The following NYAP2 variants were observed in gnomAD, a reference collection of about 807,000 sequenced individuals.
The protein encoded by NYAP2 is neuronal tyrosine-phosphorylated phosphoinositide-3-kinase adapter 2.
Under a neutral mutation model 50.4 loss-of-function variants are expected in NYAP2, and 23 were observed. The ratio of observed to expected loss-of-function variants is 0.46; its 90% CI spans 0.33 to 0.65. NYAP2 has a LOEUF of 0.65. Among genes scored for constraint, NYAP2 ranks in the 30% least tolerant of loss-of-function variants. The pLI, the probability that NYAP2 is intolerant of heterozygous loss-of-function variation, is 0.02. For missense variants in NYAP2, 885 were observed against 861.0 expected, an observed-to-expected ratio of 1.03 and a Z score of -0.35; for synonymous variants, 394 against 365.2, an observed-to-expected ratio of 1.08 and a Z score of -0.90.
intron 4 of NYAP2, among the ~76,000 whole-genome samples, chr2:225,536,140 A>G (rs1422516467): frequency 6.6e-6 from 1 of 152,206 alleles, no homozygotes; most frequent in Non-Finnish European, 1.5e-5. Flanking sequence ...ATATTTCTCA[A>G]AAATAAATCT....
intron 3 of NYAP2, among the ~76,000 whole-genome samples, chr2:225,480,331 T>C (rs1055584412): frequency 6.6e-6 from 1 of 152,060 alleles, no homozygotes; most frequent in Non-Finnish European, 1.5e-5. Flanking sequence ...AAGATAGATA[T>C]GTAAATGAAA....
chr2:225,416,848 T>C (rs1002168711), intron 3 of NYAP2, among the ~76,000 whole-genome samples: 1 of 152,188 alleles, frequency 6.6e-6, no homozygotes, highest in Non-Finnish European at 1.5e-5. Context: ...CCATGTGAGC[T>C]ACTCAGTCAG....
intron 4 of NYAP2, among the ~76,000 whole-genome samples, chr2:225,518,236 G>A (rs866978398): frequency 1.3e-5 from 2 of 151,740 alleles, no homozygotes; most frequent in South Asian, 2.1e-4. Flanking sequence ...AAGACATTAT[G>A]TAAAATGAAA....
chr2:225,577,821 T>A lies in NYAP2; in HGVS notation c.524-4120T>A, dbSNP rs78562959. 6.2e-3 allele frequency among the ~76,000 whole-genome samples: 589 copies of A among 94,646 alleles called. 3 individuals carry two copies. The highest frequency in any genetic ancestry group is 0.012 in the African/African-American group (301 of 25,810). 62.1% of individuals were successfully genotyped at this position (94,646 alleles called of 152,430 possible). On this transcript the variant is annotated intron_variant, in intron 4 of 6. Transcript: ENST00000636099. The stretch of plus-strand genomic sequence containing the variant: ...TGAAAAGCAGATTTTTTTTTTTTTT[T>A]AAAAAAAGAAGCCCCTGCCCCCATA...
chr2:225,575,261 C>A lies in NYAP2; in HGVS notation c.524-6680C>A, dbSNP rs367762449. On this transcript the variant is annotated intron_variant, in intron 4 of 6. Coordinates refer to ENST00000636099, the Ensembl canonical transcript of NYAP2. The stretch of plus-strand genomic sequence containing the variant: ...CTTTAGAGCTTACAGCTGGTCTCCT[C>A]ACTATCCTTCAGGCCTCTGCTGTCA... Among the ~76,000 whole-genome samples the A allele has an allele frequency of 9.2e-5, 14 of 152,308 alleles. No individual in the cohort carries two copies. The East Asian group carries it at 2.7e-3, about 29-fold the overall frequency.
intron 2 of NYAP2, among the ~76,000 whole-genome samples, chr2:225,402,331 A>G (rs977617533): frequency 5.3e-5 from 8 of 152,024 alleles, no homozygotes; most frequent in African/African-American, 1.7e-4. Flanking sequence ...TAGACTCCCA[A>G]TTCAATTAGA....
chr2:225,589,543 T>TATATATATATATATATATATATA (rs1553553414), intron 5 of NYAP2, among the ~76,000 whole-genome samples: 5 of 48,164 alleles, frequency 1.0e-4, no homozygotes, highest in Admixed American at 2.6e-4. Context: ...ATATATATAT[T>TATATATATATATATATATATATA]TAATAGCTGG....
chr2:225,454,439 G>A (rs945578576), intron 3 of NYAP2, among the ~76,000 whole-genome samples: 1 of 152,152 alleles, frequency 6.6e-6, no homozygotes, highest in African/African-American at 2.4e-5. Context: ...TTAGTCTAGT[G>A]TCCTAGGAAT....
chr2:225,433,544 A>T (rs1035449506), intron 3 of NYAP2, among the ~76,000 whole-genome samples: 2 of 152,180 alleles, frequency 1.3e-5, no homozygotes, highest in Non-Finnish European at 2.9e-5. Flanking sequence ...ATAGCAAAAT[A>T]TGATATTAAG....
chr2:225,544,198 T>C (rs1030875316), intron 4 of NYAP2, among the ~76,000 whole-genome samples: 2 of 151,504 alleles, frequency 1.3e-5, no homozygotes, highest in African/African-American at 2.4e-5. Context: ...AATGTGTTTC[T>C]TATAGAAAGC....
chr2:225,465,701 A>G (rs1321550631), intron 3 of NYAP2, among the ~76,000 whole-genome samples: 1 of 152,100 alleles, frequency 6.6e-6, no homozygotes, highest in Non-Finnish European at 1.5e-5. Flanking sequence ...GGGTGACAGT[A>G]TGAGACTCTG....
At chr2:225,565,339 T>G (rs1052222295) in intron 4 of NYAP2, among the ~76,000 whole-genome samples, 3 of 150,806 alleles carry the variant, frequency 2.0e-5, no homozygotes, top group Non-Finnish European at 4.5e-5. Flanking sequence ...ACTACATATT[T>G]TTAAAACACA....
At chr2:225,531,764 GCCCTGCTT>G (rs1559206537) in intron 4 of NYAP2, among the ~76,000 whole-genome samples, 1 of 152,086 alleles carries the variant, frequency 6.6e-6, no homozygotes, top group Non-Finnish European at 1.5e-5. Context: ...CATCACTCAG[GCCCTGCTT>G]TGTTTATAAT....
At chr2:225,499,374 G>A (rs1690562677) in intron 3 of NYAP2, among the ~76,000 whole-genome samples, 3 of 151,774 alleles carry the variant, frequency 2.0e-5, no homozygotes, top group African/African-American at 4.8e-5. Flanking sequence ...GAGTACAGTG[G>A]CGCCATCCGC....
At chr2:225,579,483 G>C (rs971964891) in intron 4 of NYAP2, among the ~76,000 whole-genome samples, 3 of 152,118 alleles carry the variant, frequency 2.0e-5, no homozygotes, top group Non-Finnish European at 2.9e-5. Context: ...AGAAACTTCT[G>C]TTTCTTAAAT....
At chr2:225,484,844 A>G (rs1002192862) in intron 3 of NYAP2, among the ~76,000 whole-genome samples, 6 of 152,216 alleles carry the variant, frequency 3.9e-5, no homozygotes, top group Non-Finnish European at 8.8e-5. Context: ...GTCATCTGAA[A>G]TGTATCAGCG....
At chr2:225,501,179 G>A (rs190037606) in intron 3 of NYAP2, among the ~76,000 whole-genome samples, 1 of 152,306 alleles carries the variant, frequency 6.6e-6, no homozygotes, top group African/African-American at 2.4e-5. Flanking sequence ...ATAGGAACAT[G>A]TGTTCTCCCT....
At chr2:225,461,246 T>G (rs1689826653) in intron 3 of NYAP2, among the ~76,000 whole-genome samples, 1 of 152,200 alleles carries the variant, frequency 6.6e-6, no homozygotes, top group Non-Finnish European at 1.5e-5. Context: ...CCAAAAACTT[T>G]CAGGGACTTG....
At chr2:225,403,822 C>T (rs1293105652) in intron 2 of NYAP2, among the ~76,000 whole-genome samples, 1 of 151,848 alleles carries the variant, frequency 6.6e-6, no homozygotes, top group Non-Finnish European at 1.5e-5. Context: ...GATAAATTGC[C>T]CATTGGAAGC....
Sources: gnomAD v4.1 joint callset for allele counts (sites outside exome capture counted in the v4.1 genomes callset) on GRCh38, gnomAD v4.1.1 for gene constraint, MANE v1.5 for transcripts, NCBI Gene and HGNC (gene_info 2026-07-23, HGNC 2026-07-21) for gene names.